Variants in GSG1L observed in about 807,000 individuals in gnomAD.
GSG1L encodes GSG1 like.
A neutral mutation model predicts 42.1 loss-of-function variants in GSG1L; 24 were observed. The observed-to-expected ratio is 0.57, with a 90% confidence interval of 0.41 to 0.80. The LOEUF is 0.80. Among genes scored for constraint, GSG1L ranks in the 30% least tolerant of loss-of-function variants. The probability of loss-of-function intolerance (pLI) is 0.00; values close to 1 mark genes in which losing one functional copy is unlikely to be tolerated. For missense variants in GSG1L, 445 were observed against 472.2 expected, an observed-to-expected ratio of 0.94 and a Z score of 0.53; for synonymous variants, 215 against 203.5, an observed-to-expected ratio of 1.06 and a Z score of -0.48.
intron 2 of GSG1L, among the ~76,000 whole-genome samples, chr16:27,918,294 A>C (rs1334869030): frequency 6.6e-6 from 1 of 152,150 alleles, no homozygotes; most frequent in East Asian, 1.9e-4. Context: ...AAAAAACAAC[A>C]ACCAGAGTAT....
At chr16:27,983,858 C>A (rs895421007) in intron 1 of GSG1L, among the ~76,000 whole-genome samples, 1 of 152,168 alleles carries the variant, frequency 6.6e-6, no homozygotes, top group Non-Finnish European at 1.5e-5. Context: ...GGAAAACAGC[C>A]TGTTGCATGG....
intron 1 of GSG1L, among the ~76,000 whole-genome samples, chr16:28,033,536 G>A (rs2085991081): frequency 6.6e-6 from 1 of 152,010 alleles, no homozygotes; most frequent in Non-Finnish European, 1.5e-5. Context: ...GGAAGGGGAG[G>A]AGGAAAGGAG....
At chr16:27,803,786 T>TATAG (rs2083591355) in intron 6 of GSG1L, among the ~76,000 whole-genome samples, 1 of 82,310 alleles carries the variant, frequency 1.2e-5, no homozygotes, top group Non-Finnish European at 2.4e-5. Flanking sequence ...TATATATATA[T>TATAG]ATATATATAG....
At chr16:27,921,786 C>T (rs550363363) in intron 2 of GSG1L, among the ~76,000 whole-genome samples, 4 of 152,258 alleles carry the variant, frequency 2.6e-5, no homozygotes, top group South Asian at 2.1e-4. Context: ...CTGTCTTATG[C>T]GGCAGCCCCT....
chr16:27,947,870 A>C (rs183487285), intron 2 of GSG1L, among the ~76,000 whole-genome samples: 50 of 152,266 alleles, frequency 3.3e-4, no homozygotes, highest in African/African-American at 1.2e-3. Flanking sequence ...AGCCCTTTGC[A>C]CTCTGACATT....
chr16:27,972,212 G>A (rs1397517133), intron 1 of GSG1L, among the ~76,000 whole-genome samples: 11 of 152,214 alleles, frequency 7.2e-5, no homozygotes, highest in Non-Finnish European at 1.6e-4. Context: ...ACATGGACAA[G>A]GCTAAACAGA....
intron 1 of GSG1L, among the ~76,000 whole-genome samples, chr16:28,043,949 G>A (rs989375879): frequency 1.3e-5 from 2 of 151,288 alleles, no homozygotes; most frequent in African/African-American, 4.9e-5. Context: ...TTGAGCCCAG[G>A]AAGTCAAGGC....
At chr16:27,943,121 CAT>C (rs2084819844) in intron 2 of GSG1L, among the ~76,000 whole-genome samples, 1 of 152,044 alleles carries the variant, frequency 6.6e-6, no homozygotes, top group South Asian at 2.1e-4. Flanking sequence ...CTGGCATGAT[CAT>C]AGCTCACTAC....
At position 27,874,884 on chromosome 16, in the gene GSG1L, C is replaced by T. The variant is rs551258261; in HGVS notation, c.550+9602G>A. On this transcript the variant is annotated intron_variant, in intron 3 of 6. Transcript: ENST00000447459. Reference sequence around the variant, plus strand: ...GTCAGAAGTGACAGTGGCCTGGGGACCCCTGAACTTGCAGCTGGCATCTGA... The same window carrying T: ...GTCAGAAGTGACAGTGGCCTGGGGATCCCTGAACTTGCAGCTGGCATCTGA... 1.1e-4 allele frequency among the ~76,000 whole-genome samples: 16 copies of T among 152,262 alleles called. No homozygotes were observed. In the East Asian group the frequency reaches 1.7e-3, roughly 17 times the overall value.
At chr16:27,926,777 C>T (rs1421543731) in intron 2 of GSG1L, among the ~76,000 whole-genome samples, 1 of 152,174 alleles carries the variant, frequency 6.6e-6, no homozygotes, top group African/African-American at 2.4e-5. Flanking sequence ...GGGGTGAGCG[C>T]TTAGCAGTAT....
rs146637265 is a variant in GSG1L at position 28,016,710 on chromosome 16, C to T, written c.349+46366G>A. Among the ~76,000 whole-genome samples the T allele has an allele frequency of 3.0e-4, 45 of 152,322 alleles. 1 individual carries two copies. The East Asian group carries it at 7.1e-3, about 24-fold the overall frequency. On this transcript the variant is annotated intron_variant, in intron 1 of 6. Transcript: ENST00000447459. ...AGTAGCTGCTGACATTTATTGAGAACTTACTGCATGTCGGCATTGTGCTAA... is the reference window on the plus strand; with the variant it reads ...AGTAGCTGCTGACATTTATTGAGAATTTACTGCATGTCGGCATTGTGCTAA...
intron 6 of GSG1L, among the ~76,000 whole-genome samples, chr16:27,803,800 G>GATAGATAGATAGATAT (rs2082917570): frequency 5.4e-5 from 4 of 74,246 alleles, no homozygotes; most frequent in African/African-American, 2.1e-4. Flanking sequence ...TATATAGATA[G>GATAGATAGATAGATAT]ATAGATATAG....
At chr16:27,922,509 T>C (rs185319329) in intron 2 of GSG1L, among the ~76,000 whole-genome samples, 234 of 152,352 alleles carry the variant, frequency 1.5e-3, no homozygotes, top group African/African-American at 5.3e-3. Flanking sequence ...TGTGGGAAGA[T>C]GAGACTCTGA....
At chr16:27,973,762 C>T (rs2085221007) in intron 1 of GSG1L, among the ~76,000 whole-genome samples, 1 of 152,150 alleles carries the variant, frequency 6.6e-6, no homozygotes, top group Non-Finnish European at 1.5e-5. Flanking sequence ...ATCACCAACG[C>T]TGGTGTTTCT....
intron 2 of GSG1L, among the ~76,000 whole-genome samples, chr16:27,946,600 AGAGAGAGAGAGAGAGAG>A (rs1567529801): frequency 3.4e-4 from 2 of 5,884 alleles, no homozygotes; most frequent in African/African-American, 1.6e-3. Flanking sequence ...AGAGAGAGAG[AGAGAGAGAGAGAGAGAG>A]AGAGAGAGAG....
At chr16:27,874,993 C>T (rs1046373024) in intron 3 of GSG1L, among the ~76,000 whole-genome samples, 1 of 152,178 alleles carries the variant, frequency 6.6e-6, no homozygotes, top group Non-Finnish European at 1.5e-5. Context: ...AGAATTGCAT[C>T]AGCACAGACC....
intron 2 of GSG1L, among the ~76,000 whole-genome samples, chr16:27,909,052 A>G (rs1486148013): frequency 6.6e-6 from 1 of 152,062 alleles, no homozygotes; most frequent in African/African-American, 2.4e-5. Context: ...ATCATTTAAC[A>G]TTTCTAAACC....
intron 1 of GSG1L, among the ~76,000 whole-genome samples, chr16:28,046,695 A>G (rs563823235): frequency 6.6e-6 from 1 of 152,050 alleles, no homozygotes; most frequent in East Asian, 1.9e-4. Context: ...CCACTCCCGC[A>G]TCACCGCTCC....
At chr16:27,940,468 A>G (rs8063411) in intron 2 of GSG1L, among the ~76,000 whole-genome samples, 95,725 of 136,080 alleles carry the variant, frequency 0.7, 34,113 homozygotes, top group Non-Finnish European at 0.75. Flanking sequence ...GTCCAACAAT[A>G]ATAGACTGGA....
Sources: gnomAD v4.1 joint callset for allele counts (sites outside exome capture counted in the v4.1 genomes callset) on GRCh38, gnomAD v4.1.1 for gene constraint, MANE v1.5 for transcripts, NCBI Gene and HGNC (gene_info 2026-07-23, HGNC 2026-07-21) for gene names.